Variants in SCGB2B2 observed in about 807,000 individuals in gnomAD.
SCGB2B2 encodes secretoglobin-like protein.
Under a neutral mutation model 7.6 loss-of-function variants are expected in SCGB2B2, and 11 were observed. The observed-to-expected ratio is 1.45, with a 90% CI of 0.91 to 2.40. The LOEUF is 2.40. SCGB2B2 is among the 30% of genes most tolerant of loss of function. SCGB2B2 has a pLI of 0.00. For synonymous variants in SCGB2B2, 50 were observed against 48.6 expected, an observed-to-expected ratio of 1.03 and a Z score of -0.12; for missense variants, 104 against 115.4, an observed-to-expected ratio of 0.90 and a Z score of 0.45.
At chr19:34,641,578 C>A (rs1388519830) in intron 1 of SCGB2B2, among the ~76,000 whole-genome samples, 1 of 152,178 alleles carries the variant, frequency 6.6e-6, no homozygotes, top group Non-Finnish European at 1.5e-5. Flanking sequence ...AGCGGAAGGT[C>A]AAGGTCGTTT....
downstream of SCGB2B2, among the ~76,000 whole-genome samples, chr19:34,588,104 T>C (rs916402931): frequency 6.6e-6 from 1 of 152,270 alleles, no homozygotes; most frequent in African/African-American, 2.4e-5. Flanking sequence ...AGAATTGCTA[T>C]TAATTCCTCC....
chr19:34,593,946 G>A (rs113326929), intron 3 of SCGB2B2, among the ~76,000 whole-genome samples: 4 of 152,108 alleles, frequency 2.6e-5, no homozygotes, highest in African/African-American at 9.6e-5. Context: ...CGGGCACCAG[G>A]GGCAGAGGTT....
intron 1 of SCGB2B2, among the ~76,000 whole-genome samples, chr19:34,611,759 C>T (rs1406160391): frequency 6.6e-6 from 1 of 151,530 alleles, no homozygotes. Context: ...AAAGGATTCT[C>T]CTGCCTCAGC....
rs1299564608 is a variant in SCGB2B2, at chr19:34,594,342, TATCC to T, written c.75_78del (p.Asp26SerfsTer17). ...ACAACATTCGCAAGCAGTTTATCGATATCCAGGCAGGCATCCCCTGTGGAGGATG... is the reference window on the plus strand; with the variant it reads ...ACAACATTCGCAAGCAGTTTATCGATAGGCAGGCATCCCCTGTGGAGGATG... On this transcript the variant is annotated frameshift_variant, in exon 3 of 4. Coordinates refer to ENST00000601241, the MANE Select transcript of SCGB2B2 (RefSeq NM_001025591.4). LOFTEE classifies it high-confidence loss of function. 1 of 1,613,966 alleles carries T rather than the reference TATCC, an allele frequency of 6.2e-7. No individual in the cohort carries two copies. Among genetic ancestry groups the T allele is most frequent in the East Asian group, 2.2e-5 (1 of 44,854 alleles).
chr19:34,604,182 C>G (rs528822307), intron 1 of SCGB2B2, among the ~76,000 whole-genome samples: 1 of 152,306 alleles, frequency 6.6e-6, no homozygotes, highest in East Asian at 1.9e-4. Flanking sequence ...CCTCCCAGTT[C>G]AGGTGCAGTT....
intron 1 of SCGB2B2, among the ~76,000 whole-genome samples, chr19:34,668,744 T>C (rs972842564): frequency 6.6e-6 from 1 of 152,192 alleles, no homozygotes; most frequent in Non-Finnish European, 1.5e-5. Context: ...TGGTGGGGAC[T>C]TGGAGAACCT....
chr19:34,618,583 G>T (rs940598847), intron 1 of SCGB2B2, among the ~76,000 whole-genome samples: 1 of 151,990 alleles, frequency 6.6e-6, no homozygotes, highest in African/African-American at 2.4e-5. Context: ...ACTCTTTTAG[G>T]TTAGGACAAT....
At chr19:34,630,627 A>G (rs1461143338) in intron 1 of SCGB2B2, among the ~76,000 whole-genome samples, 1 of 151,904 alleles carries the variant, frequency 6.6e-6, no homozygotes, top group Non-Finnish European at 1.5e-5. Flanking sequence ...GGTGCTGGAG[A>G]GGATGTGGAG....
chr19:34,631,389 C>G (rs1162991397), intron 1 of SCGB2B2, among the ~76,000 whole-genome samples: 7 of 147,882 alleles, frequency 4.7e-5, no homozygotes, highest in African/African-American at 1.8e-4. Context: ...CAAGACTATT[C>G]TTCTTCCACT....
At chr19:34,610,414 T>G (rs1260001228) in intron 1 of SCGB2B2, among the ~76,000 whole-genome samples, 1 of 152,172 alleles carries the variant, frequency 6.6e-6, no homozygotes, top group Non-Finnish European at 1.5e-5. Context: ...ATTTCAACTT[T>G]TCTTTATTCA....
At chr19:34,661,464 C>A (rs933289016) in intron 1 of SCGB2B2, among the ~76,000 whole-genome samples, 13 of 152,170 alleles carry the variant, frequency 8.5e-5, no homozygotes, top group African/African-American at 3.1e-4. Flanking sequence ...AAACATCTGG[C>A]ACTGTAGAGG....
At chr19:34,601,471 C>T (rs2065621064) in intron 1 of SCGB2B2, among the ~76,000 whole-genome samples, 1 of 152,216 alleles carries the variant, frequency 6.6e-6, no homozygotes, top group Non-Finnish European at 1.5e-5. Context: ...AAAGCTGGTA[C>T]ATGTTGCCAT....
At chr19:34,635,308 T>G in intron 1 of SCGB2B2, 1 of 292,804 alleles carries the variant, frequency 3.4e-6, no homozygotes, top group South Asian at 4.4e-5. Flanking sequence ...TGAATGAGTG[T>G]GTGTTTGCTG....
At chr19:34,598,566 G>A (rs2065528581) in intron 1 of SCGB2B2, among the ~76,000 whole-genome samples, 1 of 152,164 alleles carries the variant, frequency 6.6e-6, no homozygotes, top group African/African-American at 2.4e-5. Flanking sequence ...GGACCCAGGG[G>A]GAAAACCATG....
intron 1 of SCGB2B2, among the ~76,000 whole-genome samples, chr19:34,602,374 T>G (rs2065650068): frequency 6.6e-6 from 1 of 152,190 alleles, no homozygotes. Flanking sequence ...TTTGTCTATG[T>G]CCTTGAGTGG....
intron 1 of SCGB2B2, among the ~76,000 whole-genome samples, chr19:34,666,552 C>T (rs899749070): frequency 3.9e-5 from 6 of 152,116 alleles, no homozygotes; most frequent in Non-Finnish European, 8.8e-5. Context: ...CCACCTGCTG[C>T]GCCCACTGGG....
chr19:34,602,267 C>A (rs1187881993), intron 1 of SCGB2B2, among the ~76,000 whole-genome samples: 1 of 152,110 alleles, frequency 6.6e-6, no homozygotes, highest in Non-Finnish European at 1.5e-5. Context: ...CAATGTGAAA[C>A]CTGGCTTGCA....
At position 34,676,838 on chromosome 19, in the gene SCGB2B2, G is replaced by C. The variant is rs374817105; in HGVS notation, c.-3240C>G. ...ACAACCCAAATATACACAAACAGTA[G>C]ACTGCTCTGGCTTGCATACAGAGAG... On this transcript the variant is annotated 5_prime_UTR_variant, in exon 1 of 4. Coordinates refer to ENST00000601241, the MANE Select transcript of SCGB2B2 (RefSeq NM_001025591.4). 5.3e-5 allele frequency: 8 copies of C among 152,252 alleles called. No homozygotes were observed. The East Asian group carries it at 1.4e-3, about 26-fold the overall frequency. 9.4% of individuals were successfully genotyped at this position (152,252 alleles called of 1,614,324 possible). A position where few individuals can be genotyped will look rare whatever the true frequency, so the allele number is the denominator to read the frequency against.
intron 3 of SCGB2B2, 135 bp from the exon 4 acceptor site, chr19:34,593,734 C>T: frequency 1.5e-6 from 1 of 687,552 alleles, no homozygotes; most frequent in Non-Finnish European, 2.5e-6. Context: ...AGGCTCTGGA[C>T]AAAGATGGTG....
Sources: allele counts gnomAD v4.1 joint callset (sites outside exome capture counted in the v4.1 genomes callset), GRCh38; gene constraint gnomAD v4.1.1; transcripts MANE v1.5; gene names NCBI Gene and HGNC (gene_info 2026-07-23, HGNC 2026-07-21).